The following PER3 variants were observed in gnomAD, a reference collection of about 807,000 sequenced individuals.
PER3 encodes period circadian protein homolog 3.
Under a neutral mutation model 127.2 loss-of-function variants are expected in PER3, and 107 were observed. The observed-to-expected ratio is 0.84, with a 90% CI of 0.72 to 0.99. The LOEUF is 0.99. Among genes scored for constraint, PER3 ranks in the 50% least tolerant of loss-of-function variants. The pLI is 0.00. For synonymous variants in PER3, 618 were observed against 585.8 expected (o/e 1.05, Z -0.79); for missense variants, 1,560 against 1,525.8 (o/e 1.02, Z -0.37).
intron 10 of PER3, among the ~76,000 whole-genome samples, chr1:7,806,812 A>ATATAT (rs1553309916): frequency 0.075 from 4,486 of 60,206 alleles, 220 homozygotes; most frequent in Middle Eastern, 0.15. Context: ...AAAAAAAAAA[A>ATATAT]ATATATATAT....
chr1:7,844,884 A>G lies in PER3; in HGVS notation c.*2129A>G, dbSNP rs1033497824. 3 of 152,390 alleles carry G rather than the reference A, an allele frequency of 2.0e-5. No individual in the cohort carries two copies. Among genetic ancestry groups the G allele is most frequent in the African/African-American group, 7.2e-5 (3 of 41,476 alleles). The allele number at this position is 152,390 out of a possible 1,614,324, so 9.4% of individuals were successfully genotyped here. A position where few individuals can be genotyped will look rare whatever the true frequency, so the allele number is the denominator to read the frequency against. ...TATATTAATGACTATTGAAAGTGGT[A>G]ATAAAAATTTATATTATAGGCTTCA... On this transcript the variant is annotated 3_prime_UTR_variant, in exon 22 of 22. Coordinates refer to ENST00000377532, the MANE Select transcript of PER3 (RefSeq NM_001377275.1).
At chr1:7,801,664 T>C (rs2097171303) in intron 8 of PER3, among the ~76,000 whole-genome samples, 1 of 152,226 alleles carries the variant, frequency 6.6e-6, no homozygotes, top group South Asian at 2.1e-4. Flanking sequence ...AGAATTGTTC[T>C]TTATTTTGAA....
chr1:7,800,000 A>AC (rs1376348086), intron 7 of PER3, among the ~76,000 whole-genome samples: 1 of 151,080 alleles, frequency 6.6e-6, no homozygotes, highest in Non-Finnish European at 1.5e-5. Context: ...CTGTTCTCGA[A>AC]CTCCTGGGCT....
At chr1:7,816,052 A>T (rs2097249785) in intron 13 of PER3, among the ~76,000 whole-genome samples, 1 of 151,486 alleles carries the variant, frequency 6.6e-6, no homozygotes, top group South Asian at 2.1e-4. Context: ...AACATAAAAT[A>T]TGTGGGATAT....
intron 17 of PER3, 110 bp from the exon 18 acceptor site, chr1:7,827,008 G>C: frequency 1.2e-6 from 1 of 808,754 alleles, no homozygotes; most frequent in Non-Finnish European, 1.9e-6. Flanking sequence ...CATTCTGGTA[G>C]TATTGGCAAA....
intron 13 of PER3, 122 bp downstream of exon 13, chr1:7,810,710 G>A: frequency 2.4e-6 from 2 of 837,564 alleles, no homozygotes; most frequent in Non-Finnish European, 3.6e-6. Context: ...CATATTTCTT[G>A]ATTTGCCTAG....
intron 10 of PER3, among the ~76,000 whole-genome samples, chr1:7,805,190 C>T (rs937641536): frequency 1.3e-5 from 2 of 152,168 alleles, no homozygotes; most frequent in African/African-American, 4.8e-5. Context: ...TTTAATTGAA[C>T]TCTAGGCCTT....
At chr1:7,829,095 G>A (rs540324092) in intron 18 of PER3, among the ~76,000 whole-genome samples, 243 of 152,248 alleles carry the variant, frequency 1.6e-3, no homozygotes, top group South Asian at 3.1e-3. Flanking sequence ...TTTAACACAC[G>A]AAGTTGAAGA....
At chr1:7,829,492 A>G (rs1445184107) in intron 18 of PER3, among the ~76,000 whole-genome samples, 2 of 152,190 alleles carry the variant, frequency 1.3e-5, no homozygotes, top group East Asian at 1.9e-4. Flanking sequence ...CTTTGGGGCC[A>G]TTATTAAGTA....
intron 21 of PER3, among the ~76,000 whole-genome samples, chr1:7,838,792 A>C (rs1000443678): frequency 6.6e-6 from 1 of 152,220 alleles, no homozygotes; most frequent in African/African-American, 2.4e-5. Flanking sequence ...TACTATCTGC[A>C]TGTAGTAACT....
chr1:7,827,396 G>C lies in PER3; in HGVS notation c.2467G>C (p.Ala823Pro). ...CGCGACCTCACCCGGAAGAGAATACGCAGCCCCCGGAACTGCACCGGAAGG... is the reference window on the plus strand; with the variant it reads ...CGCGACCTCACCCGGAAGAGAATACCCAGCCCCCGGAACTGCACCGGAAGG... ...PAATSPGREYAAPGTAPEGLH... is the reference protein window; with the variant it reads ...PAATSPGREYPAPGTAPEGLH... The change falls in exon 18 of 22, where the codon GCA (alanine) becomes CCA (proline). Residue 823 changes from alanine (A) to proline (P), a missense_variant. Ala to Pro is a conservative substitution (Grantham distance 27). Coordinates refer to ENST00000377532, the MANE Select transcript of PER3 (RefSeq NM_001377275.1). 6.2e-7 allele frequency: 1 copy of C among 1,614,080 alleles called. No individual in the cohort carries two copies. Among genetic ancestry groups the C allele is most frequent in the Non-Finnish European group, 8.5e-7 (1 of 1,180,024 alleles).
intron 13 of PER3, among the ~76,000 whole-genome samples, chr1:7,816,892 C>T (rs1227812772): frequency 2.0e-5 from 3 of 152,222 alleles, no homozygotes; most frequent in Non-Finnish European, 4.4e-5. Context: ...CACTGTTACT[C>T]TCCAAACACA....
In PER3 at chr1:7,784,950, G is replaced by A. The variant is rs989419786; in HGVS notation, c.73G>A (p.Glu25Lys). Residue 25 changes from glutamate (E) to lysine (K), a missense_variant, in exon 2 of 22, where the codon GAG becomes AAG. Physicochemically the swap from Glu to Lys is moderately conservative, Grantham distance 56. Around this residue, in one of 3 missense-constraint regions of PER3, gnomAD observed 1,332 missense variants for 1,223.6 expected, o/e 1.09. Transcript: ENST00000377532. The part of the protein sequence containing the change: ...KDEALGEESG[E>K]RWSPEFHLQR... ...CGAGGCCCTGGGCGAAGAATCGGGG[G>A]AGCGGTGGAGCCCCGAGTTCCATCT... The A allele has an allele frequency of 3.9e-6, 6 of 1,545,138 alleles. No homozygotes were observed. The highest frequency in any genetic ancestry group is 5.2e-6 in the Non-Finnish European group (6 of 1,156,696).
chr1:7,806,261 G>T (rs1301211785), intron 10 of PER3, among the ~76,000 whole-genome samples: 2 of 152,134 alleles, frequency 1.3e-5, no homozygotes, highest in African/African-American at 4.8e-5. Context: ...AGCAGGTCAG[G>T]TGTCCTCAGC....
chr1:7,796,591 A>C (rs1283492265), intron 6 of PER3, among the ~76,000 whole-genome samples: 2 of 152,148 alleles, frequency 1.3e-5, no homozygotes, highest in African/African-American at 4.8e-5. Flanking sequence ...TTGGGATTAC[A>C]GGCGTGAGCC....
At chr1:7,785,180 A>AG (rs2097080877) in intron 2 of PER3, among the ~76,000 whole-genome samples, 175 bp downstream of exon 2, 1 of 152,202 alleles carries the variant, frequency 6.6e-6, no homozygotes, top group Admixed American at 6.5e-5. Flanking sequence ...AAATTACCGA[A>AG]GAGTATCAGG....
At chr1:7,786,265 TAATG>T (rs1204331096) in intron 3 of PER3, among the ~76,000 whole-genome samples, 6 of 152,086 alleles carry the variant, frequency 3.9e-5, no homozygotes, top group Admixed American at 3.9e-4. Context: ...TAAAAAATAA[TAATG>T]ATAAAAATGC....
At chr1:7,788,286 A>G (rs200109705) in intron 5 of PER3, 40 bp downstream of exon 5, 4 of 1,350,870 alleles carry the variant, frequency 3.0e-6, no homozygotes, top group Non-Finnish European at 4.3e-6. Flanking sequence ...TTTCCTCATC[A>G]AGATCAGTTT....
rs1558445239 is a variant in PER3 at position 7,820,176 on chromosome 1, A to T, written c.1720A>T (p.Thr574Ser). 3 of 1,612,836 alleles carry T rather than the reference A, an allele frequency of 1.9e-6. No homozygotes were observed. The South Asian group carries it at 3.3e-5, about 18-fold the overall frequency. The change falls in exon 15 of 22, where the codon ACT (threonine) becomes TCT (serine). Residue 574 changes from threonine (T) to serine (S), a missense_variant. Around this residue, in one of 3 missense-constraint regions of PER3, gnomAD observed 1,332 missense variants for 1,223.6 expected, o/e 1.09. Transcript: ENST00000377532. ...KRKCISCTNT[T>S]SSSSEEDKQN... Reference sequence around the variant, plus strand: ...AAAGTGTATCTCCTGTACAAATACAACTTCTTCCTCCTCAGAAGAAGACAA... The same window carrying T: ...AAAGTGTATCTCCTGTACAAATACATCTTCTTCCTCCTCAGAAGAAGACAA...
Sources: allele counts gnomAD v4.1 joint callset (sites outside exome capture counted in the v4.1 genomes callset), GRCh38; gene constraint gnomAD v4.1.1; regional missense constraint gnomAD v4.1.1; transcripts MANE v1.5; gene names NCBI Gene and HGNC (gene_info 2026-07-23, HGNC 2026-07-21).